The following GNA12 variants were observed in gnomAD, a reference collection of about 807,000 sequenced individuals.
GNA12 encodes the protein guanine nucleotide-binding protein subunit alpha-12.
GNA12 carries 9 observed loss-of-function variants against 26.0 expected under a neutral mutation model. That is an observed-to-expected ratio of 0.35 (90% CI 0.21 to 0.60). GNA12 has a LOEUF of 0.60. Ranked by LOEUF, GNA12 falls within the 20% of genes least tolerant of loss-of-function variation. The pLI, the probability that GNA12 is intolerant of heterozygous loss-of-function variation, is 0.78. For missense variants in GNA12, 405 were observed against 525.8 expected (o/e 0.77, Z 2.25); for synonymous variants, 264 against 219.6 (o/e 1.20, Z -1.79).
chr7:2,835,850 G>C (rs1222585980), intron 1 of GNA12: 2 of 613,522 alleles, frequency 3.3e-6, no homozygotes, highest in Non-Finnish European at 6.2e-6. Context: ...GTCTTCATTA[G>C]CCATTCTCAA....
intron 2 of GNA12, among the ~76,000 whole-genome samples, chr7:2,782,212 G>A (rs980600473): frequency 2.0e-5 from 3 of 152,320 alleles, no homozygotes; most frequent in Non-Finnish European, 4.4e-5. Flanking sequence ...AAATGTAGGT[G>A]TAAATCTTAA....
intron 1 of GNA12, among the ~76,000 whole-genome samples, chr7:2,818,703 C>G (rs1207910596): frequency 2.7e-5 from 4 of 148,894 alleles, no homozygotes; most frequent in East Asian, 4.0e-4. Flanking sequence ...GTGGAGGTTG[C>G]AGTGAGCCGA....
At chr7:2,736,585 G>A (rs1426518834) in intron 2 of GNA12, among the ~76,000 whole-genome samples, 1 of 152,192 alleles carries the variant, frequency 6.6e-6, no homozygotes, top group African/African-American at 2.4e-5. Flanking sequence ...CTGTGCACCT[G>A]TATTGGGCAC....
At chr7:2,761,343 G>A (rs1461193346) in intron 2 of GNA12, among the ~76,000 whole-genome samples, 3 of 152,218 alleles carry the variant, frequency 2.0e-5, no homozygotes, top group Admixed American at 6.5e-5. Context: ...CTAGAGGCAC[G>A]GGGTGGGCAC....
intron 2 of GNA12, among the ~76,000 whole-genome samples, chr7:2,745,186 T>C (rs901383728): frequency 6.6e-6 from 1 of 152,126 alleles, no homozygotes; most frequent in African/African-American, 2.4e-5. Flanking sequence ...AAGATACTCC[T>C]TGAGAAAGGC....
chr7:2,807,220 T>C (rs1001425260), intron 1 of GNA12, among the ~76,000 whole-genome samples: 1 of 152,208 alleles, frequency 6.6e-6, no homozygotes, highest in African/African-American at 2.4e-5. Context: ...AAAAATGGAA[T>C]AGACATTTGG....
chr7:2,824,699 C>G (rs1218663975), intron 1 of GNA12, among the ~76,000 whole-genome samples: 1 of 152,206 alleles, frequency 6.6e-6, no homozygotes, highest in Admixed American at 6.5e-5. Context: ...TAGTGCCCAT[C>G]ACACACCACA....
chr7:2,807,235 T>C (rs923301562), intron 1 of GNA12, among the ~76,000 whole-genome samples: 1 of 152,244 alleles, frequency 6.6e-6, no homozygotes, highest in Non-Finnish European at 1.5e-5. Flanking sequence ...ATTTGGCTTC[T>C]CTACTTCAAA....
At chr7:2,753,772 T>C (rs1462798746) in intron 2 of GNA12, among the ~76,000 whole-genome samples, 1 of 152,182 alleles carries the variant, frequency 6.6e-6, no homozygotes, top group Non-Finnish European at 1.5e-5. Flanking sequence ...TTTATTTTAA[T>C]GCTGAATTTA....
intron 1 of GNA12, chr7:2,814,962 C>A (rs772058296): frequency 1.3e-6 from 2 of 1,564,872 alleles, no homozygotes; most frequent in Admixed American, 1.9e-5. Context: ...AGGCGCTCTG[C>A]ACTCGGCATG....
chr7:2,737,269 G>GTTC (rs1790237066), intron 2 of GNA12, among the ~76,000 whole-genome samples: 2 of 38,112 alleles, frequency 5.2e-5, no homozygotes, highest in Non-Finnish European at 1.1e-4. Flanking sequence ...TCACAGTTTT[G>GTTC]TTTTGTTTTT....
chr7:2,825,779 G>A (rs1243580273), intron 1 of GNA12, among the ~76,000 whole-genome samples: 1 of 152,108 alleles, frequency 6.6e-6, no homozygotes, highest in East Asian at 1.9e-4. Flanking sequence ...GCTGTGGTGG[G>A]GCCGCAGACA....
chr7:2,770,723 G>A (rs1447368733), intron 2 of GNA12, among the ~76,000 whole-genome samples: 3 of 152,164 alleles, frequency 2.0e-5, no homozygotes, highest in African/African-American at 7.2e-5. Context: ...CAACATGGAT[G>A]CTTCACTGGG....
chr7:2,746,876 G>A (rs1790790137), intron 2 of GNA12, among the ~76,000 whole-genome samples: 1 of 152,166 alleles, frequency 6.6e-6, no homozygotes, highest in African/African-American at 2.4e-5. Flanking sequence ...TACCATCAGA[G>A]AATACTATCA....
intron 2 of GNA12, chr7:2,794,572 C>G (rs934058590): frequency 1.5e-4 from 38 of 250,902 alleles, no homozygotes; most frequent in Non-Finnish European, 2.5e-4. Context: ...TTGCCCATAC[C>G]CACAGGTCCA....
intron 2 of GNA12, among the ~76,000 whole-genome samples, chr7:2,788,768 C>A (rs1792429877): frequency 6.6e-6 from 1 of 152,184 alleles, no homozygotes; most frequent in Non-Finnish European, 1.5e-5. Flanking sequence ...GACCACACTG[C>A]CTCTCTATGG....
chr7:2,822,143 CTCTTT>C (rs1385487336), intron 1 of GNA12, among the ~76,000 whole-genome samples: 4 of 152,214 alleles, frequency 2.6e-5, no homozygotes, highest in African/African-American at 4.8e-5. Flanking sequence ...CCTTCCCATT[CTCTTT>C]TAACTTTTTA....
At chr7:2,788,285 G>A (rs909304096) in intron 2 of GNA12, among the ~76,000 whole-genome samples, 1 of 152,224 alleles carries the variant, frequency 6.6e-6, no homozygotes, top group South Asian at 2.1e-4. Flanking sequence ...TTTGCTGGCT[G>A]TGAGTCCACG....
At chr7:2,828,448 T>G (rs1793531578) in intron 1 of GNA12, among the ~76,000 whole-genome samples, 3 of 152,202 alleles carry the variant, frequency 2.0e-5, no homozygotes, top group Admixed American at 1.3e-4. Flanking sequence ...TGAACTGCTG[T>G]GCTCAAGCGA....
Sources: gnomAD v4.1 joint callset for allele counts (sites outside exome capture counted in the v4.1 genomes callset) on GRCh38, gnomAD v4.1.1 for gene constraint, MANE v1.5 for transcripts, NCBI Gene and HGNC (gene_info 2026-07-23, HGNC 2026-07-21) for gene names.